Variants in ARMC2 observed in about 807,000 individuals in gnomAD.
ARMC2 encodes the protein armadillo repeat-containing protein 2.
Under a neutral mutation model 90.3 loss-of-function variants are expected in ARMC2, and 67 were observed. The observed-to-expected ratio is 0.74, with a 90% confidence interval of 0.61 to 0.91. ARMC2 has a LOEUF of 0.91. Ranked by LOEUF, ARMC2 falls within the 40% of genes least tolerant of loss-of-function variation. The probability of loss-of-function intolerance (pLI) is 0.00; values close to 1 mark genes in which losing one functional copy is unlikely to be tolerated. For missense variants in ARMC2, 920 were observed against 1,030.9 expected (o/e 0.89, Z 1.47); for synonymous variants, 393 against 393.0 (o/e 1.00, Z 0.00).
At chr6:109,019,204 AAC>A in the ARMC2 span, among the ~76,000 whole-genome samples, 2 of 151,916 alleles carry the variant, frequency 1.3e-5, no homozygotes, top group African/African-American at 4.8e-5. Flanking sequence ...CACACACACA[AAC>A]ACACACACAG....
chr6:108,961,334 C>T (rs570782762), intron 13 of ARMC2, among the ~76,000 whole-genome samples: 5 of 152,296 alleles, frequency 3.3e-5, no homozygotes, highest in South Asian at 4.1e-4. Context: ...CTCCTGGCTG[C>T]GAGGATTGAG....
chr6:108,928,272 C>T (rs781038682), intron 11 of ARMC2, 39 bp downstream of exon 11: 142 of 1,415,238 alleles, frequency 1.0e-4, no homozygotes, highest in Middle Eastern at 3.8e-4. Context: ...TACAAAAATG[C>T]TAATGCTTAG....
At chr6:109,039,025 AAGAG>A in the ARMC2 span, among the ~76,000 whole-genome samples, 17 of 140,092 alleles carry the variant, frequency 1.2e-4, no homozygotes, top group South Asian at 3.1e-3. Context: ...AAGAAAGAAA[AAGAG>A]AAAGAAAGAA....
chr6:108,945,314 A>G (rs1776728789), intron 12 of ARMC2, among the ~76,000 whole-genome samples: 1 of 152,184 alleles, frequency 6.6e-6, no homozygotes, highest in Non-Finnish European at 1.5e-5. Context: ...AAGAACATGA[A>G]GGGATTTTCC....
intron 14 of ARMC2, 35 bp from the exon 15 acceptor site, chr6:108,961,979 T>C (rs759840018): frequency 7.0e-7 from 1 of 1,433,342 alleles, no homozygotes; most frequent in South Asian, 1.2e-5. Flanking sequence ...AAAACTTAAA[T>C]TCACTGATTT....
chr6:108,882,158 C>T (rs1390165706), intron 5 of ARMC2, among the ~76,000 whole-genome samples: 1 of 151,390 alleles, frequency 6.6e-6, no homozygotes, highest in Admixed American at 6.6e-5. Context: ...AGAAAGGGTT[C>T]AGGCATGGTG....
At chr6:109,014,910 C>G in the ARMC2 span, among the ~76,000 whole-genome samples, 1 of 152,126 alleles carries the variant, frequency 6.6e-6, no homozygotes, top group Non-Finnish European at 1.5e-5. Context: ...ACTGATACCT[C>G]CTATTTATTT....
intron 11 of ARMC2, 28 bp from the exon 12 acceptor site, chr6:108,936,872 T>C: frequency 1.3e-6 from 2 of 1,539,392 alleles, no homozygotes; most frequent in Non-Finnish European, 1.8e-6. Flanking sequence ...AAAGTTTACC[T>C]TTATTTTCCC....
At chr6:108,969,649 T>C (rs1778620989) in intron 17 of ARMC2, among the ~76,000 whole-genome samples, 1 of 152,242 alleles carries the variant, frequency 6.6e-6, no homozygotes, top group Non-Finnish European at 1.5e-5. Context: ...ATGTGAAACA[T>C]TTGTTTATTC....
the ARMC2 span, chr6:109,002,366 C>T: frequency 6.2e-7 from 1 of 1,602,974 alleles, no homozygotes; most frequent in Non-Finnish European, 8.5e-7. Context: ...ATTACACCAT[C>T]TCAGGCCTTT....
At chr6:109,042,674 C>A in the ARMC2 span, among the ~76,000 whole-genome samples, 3 of 151,950 alleles carry the variant, frequency 2.0e-5, no homozygotes, top group African/African-American at 4.8e-5. Context: ...AATAGATCAC[C>A]TGAATAGCCC....
intron 5 of ARMC2, among the ~76,000 whole-genome samples, chr6:108,881,979 G>C (rs1263135263): frequency 6.6e-6 from 1 of 152,002 alleles, no homozygotes; most frequent in Non-Finnish European, 1.5e-5. Context: ...ATTAAGATAG[G>C]AACCAACGTG....
intron 10 of ARMC2, among the ~76,000 whole-genome samples, chr6:108,921,954 G>T (rs1426244486): frequency 2.0e-5 from 3 of 152,144 alleles, no homozygotes; most frequent in Non-Finnish European, 4.4e-5. Context: ...CTGAGGCCAG[G>T]GCACTAGCCT....
the ARMC2 span, among the ~76,000 whole-genome samples, chr6:108,995,646 T>C: frequency 6.6e-6 from 1 of 152,210 alleles, no homozygotes; most frequent in Non-Finnish European, 1.5e-5. Context: ...GTTGGGCTAG[T>C]GGCTCATGCC....
At chr6:108,922,052 C>T (rs773314568) in intron 10 of ARMC2, among the ~76,000 whole-genome samples, 1 of 152,148 alleles carries the variant, frequency 6.6e-6, no homozygotes, top group African/African-American at 2.4e-5. Flanking sequence ...CCTTCTAGAG[C>T]AGAATCTGGT....
At chr6:108,949,454 T>C (rs1777029860) in intron 12 of ARMC2, among the ~76,000 whole-genome samples, 2 of 152,238 alleles carry the variant, frequency 1.3e-5, no homozygotes, top group Admixed American at 1.3e-4. Context: ...GCTGTTATTG[T>C]TATTAATTAT....
chr6:108,903,193 C>T (rs770239503), intron 7 of ARMC2, among the ~76,000 whole-genome samples: 1 of 152,084 alleles, frequency 6.6e-6, no homozygotes, highest in East Asian at 1.9e-4. Flanking sequence ...TTACTTTCCT[C>T]ACAAACATAA....
chr6:108,964,698 C>T (rs1459503196), intron 16 of ARMC2, among the ~76,000 whole-genome samples: 2 of 151,814 alleles, frequency 1.3e-5, no homozygotes, highest in Non-Finnish European at 2.9e-5. Context: ...CGCTTGAATC[C>T]GGGATACAGA....
chr6:109,008,283 T>C, the ARMC2 span, among the ~76,000 whole-genome samples: 1 of 152,220 alleles, frequency 6.6e-6, no homozygotes, highest in African/African-American at 2.4e-5. Context: ...AAAAGATCTA[T>C]TATGACCCGC....
Sources: allele counts gnomAD v4.1 joint callset (sites outside exome capture counted in the v4.1 genomes callset), GRCh38; gene constraint gnomAD v4.1.1; transcripts MANE v1.5; gene names NCBI Gene and HGNC (gene_info 2026-07-23, HGNC 2026-07-21).